Variants in CHIC2 observed in about 807,000 individuals in gnomAD.
The protein encoded by CHIC2 is cysteine-rich hydrophobic domain-containing protein 2.
A neutral mutation model predicts 25.9 loss-of-function variants in CHIC2; 14 were observed. The ratio of observed to expected loss-of-function variants is 0.54; its 90% CI spans 0.36 to 0.85. CHIC2 has a LOEUF of 0.85. Among genes scored for constraint, CHIC2 ranks in the 40% least tolerant of loss-of-function variants. CHIC2 has a pLI of 0.01. For missense variants in CHIC2, 146 were observed against 202.0 expected, an observed-to-expected ratio of 0.72 and a Z score of 1.68; for synonymous variants, 70 against 72.0, an observed-to-expected ratio of 0.97 and a Z score of 0.14.
intron 5 of CHIC2, 65 bp from the exon 6 acceptor site, chr4:54,010,210 A>AT: frequency 8.9e-7 from 1 of 1,118,860 alleles, no homozygotes; most frequent in Non-Finnish European, 1.3e-6. Context: ...AACTTCAATT[A>AT]TATGCTTTCA....
At chr4:54,076,505 T>G in the CHIC2 span, 1 of 152,138 alleles carries the variant, frequency 6.6e-6, no homozygotes, top group Non-Finnish European at 1.5e-5. Flanking sequence ...TGTTGAGTGG[T>G]TATTTTAAAA....
chr4:54,086,272 C>G, the CHIC2 span, among the ~76,000 whole-genome samples: 1 of 151,850 alleles, frequency 6.6e-6, no homozygotes, highest in Non-Finnish European at 1.5e-5. Context: ...GCTCTGCCCT[C>G]AAGCAGAGGG....
chr4:54,084,983 C>CAAAAAAAAAAAAAAAAAAAAAAAAAA, the CHIC2 span, among the ~76,000 whole-genome samples: 15 of 106,756 alleles, frequency 1.4e-4, no homozygotes, highest in African/African-American at 4.2e-4. Flanking sequence ...AAAAAAAAAT[C>CAAAAAAAAAAAAAAAAAAAAAAAAAA]AAACAGGTAG....
chr4:54,044,006 A>T (rs1178792462), intron 3 of CHIC2, among the ~76,000 whole-genome samples: 2 of 152,200 alleles, frequency 1.3e-5, no homozygotes, highest in East Asian at 3.8e-4. Flanking sequence ...TTGCAATCCT[A>T]GTCTCGGATA....
At chr4:54,065,592 C>G (rs372426677), upstream of CHIC2, among the ~76,000 whole-genome samples, 511 of 152,304 alleles carry the variant, frequency 3.4e-3, 1 homozygote, top group Middle Eastern at 6.8e-3. Context: ...TGCCTAGTAA[C>G]AGTTGAACGG....
chr4:54,039,652 T>C (rs1211001313), intron 3 of CHIC2, among the ~76,000 whole-genome samples: 1 of 152,200 alleles, frequency 6.6e-6, no homozygotes, highest in African/African-American at 2.4e-5. Flanking sequence ...GGAAAACAGT[T>C]TGGAGATTTT....
chr4:54,042,572 C>G (rs1415389410), intron 3 of CHIC2, among the ~76,000 whole-genome samples: 2 of 152,038 alleles, frequency 1.3e-5, no homozygotes, highest in Admixed American at 1.3e-4. Flanking sequence ...TATTAAAACT[C>G]TTAGGATTTT....
chr4:54,037,815 CAG>C (rs1716441718), intron 3 of CHIC2, among the ~76,000 whole-genome samples: 1 of 151,994 alleles, frequency 6.6e-6, no homozygotes, highest in Admixed American at 6.6e-5. Flanking sequence ...ATCCATGACT[CAG>C]AGAGAAAATC....
At chr4:54,036,988 A>G (rs1221087592) in intron 3 of CHIC2, among the ~76,000 whole-genome samples, 1 of 152,192 alleles carries the variant, frequency 6.6e-6, no homozygotes, top group African/African-American at 2.4e-5. Context: ...GCATATCCAT[A>G]TAATAAACAT....
rs1468804479 is a variant in CHIC2, at chr4:54,064,600, G to A, written c.-300C>T. On this transcript the variant is annotated 5_prime_UTR_variant, in exon 1 of 6. Coordinates refer to ENST00000263921, the MANE Select transcript of CHIC2 (RefSeq NM_012110.4). This position sits in a 1 kb window ranked among gnomAD's most constrained non-coding sequence, Gnocchi z 4.2. ...CGCCGCCGCAGCAGCAGCAACTCAG[G>A]AAACCACAGCAACAGCCCGAGCCAC... 1.6e-6 allele frequency: 2 copies of A among 1,224,354 alleles called. No individual in the cohort carries two copies. Among genetic ancestry groups the A allele is most frequent in the African/African-American group, 1.6e-5 (1 of 62,812 alleles). The allele number at this position is 1,224,354 out of a possible 1,614,324, so 75.8% of individuals were successfully genotyped here. A position where few individuals can be genotyped will look rare whatever the true frequency, so the allele number is the denominator to read the frequency against.
upstream of CHIC2, among the ~76,000 whole-genome samples, chr4:54,068,811 C>T (rs571117445): frequency 1.3e-5 from 2 of 152,264 alleles, no homozygotes; most frequent in East Asian, 1.9e-4. Flanking sequence ...GGGCTCAGTC[C>T]GCAAGACTGC....
At chr4:54,032,366 C>T (rs1009017965) in intron 3 of CHIC2, among the ~76,000 whole-genome samples, 2 of 150,352 alleles carry the variant, frequency 1.3e-5, no homozygotes, top group African/African-American at 4.9e-5. Context: ...AACCTCCCTG[C>T]CTGATTCTCC....
intron 3 of CHIC2, among the ~76,000 whole-genome samples, chr4:54,042,648 C>A (rs1351070051): frequency 6.6e-6 from 1 of 151,858 alleles, no homozygotes; most frequent in Non-Finnish European, 1.5e-5. Flanking sequence ...ATGGAAATGC[C>A]CACATAGCAG....
In CHIC2 at chr4:54,010,043, G is replaced by T; in HGVS notation, c.*52C>A. ...CACCACCAGGAGAGCACCAAGCAAG[G>T]CACCATTGGAAAGACAACATACTTG... On this transcript the variant is annotated 3_prime_UTR_variant, in exon 6 of 6. Transcript: ENST00000263921. 1 of 1,237,496 alleles carries T rather than the reference G, an allele frequency of 8.1e-7. No homozygotes were observed. The highest frequency in any genetic ancestry group is 1.2e-6 in the Non-Finnish European group (1 of 847,224). The allele number at this position is 1,237,496 out of a possible 1,614,324, so 76.7% of individuals were successfully genotyped here.
intron 1 of CHIC2, among the ~76,000 whole-genome samples, chr4:54,050,713 G>T (rs771032254): frequency 6.6e-5 from 10 of 151,982 alleles, no homozygotes; most frequent in Non-Finnish European, 1.3e-4. Flanking sequence ...TACTGTACAG[G>T]TTTGTAGCCT....
intron 3 of CHIC2, among the ~76,000 whole-genome samples, chr4:54,043,603 T>C (rs1307808453): frequency 1.3e-5 from 2 of 152,026 alleles, no homozygotes; most frequent in African/African-American, 2.4e-5. Flanking sequence ...AAGCAAATGC[T>C]GAGAGATTCT....
At chr4:54,047,699 A>G (rs1716877020) in intron 3 of CHIC2, among the ~76,000 whole-genome samples, 2 of 151,670 alleles carry the variant, frequency 1.3e-5, no homozygotes, top group African/African-American at 4.8e-5. Context: ...ACCTAATGTT[A>G]AATGACGAGT....
chr4:54,010,193 T>G (rs1330061625), intron 5 of CHIC2, 48 bp from the exon 6 acceptor site: 2 of 1,341,746 alleles, frequency 1.5e-6, no homozygotes, highest in Admixed American at 2.0e-5. Flanking sequence ...ACAAAATTTT[T>G]TCTTAAAACT....
At chr4:54,023,425 C>T (rs569463817) in intron 3 of CHIC2, among the ~76,000 whole-genome samples, 4 of 152,238 alleles carry the variant, frequency 2.6e-5, no homozygotes, top group South Asian at 2.1e-4. Context: ...TTCTGCTCCC[C>T]GGCTCCTTCA....
Sources: gnomAD v4.1 joint callset for allele counts (sites outside exome capture counted in the v4.1 genomes callset) on GRCh38, gnomAD v4.1.1 for gene constraint, Gnocchi (gnomAD v3.1) non-coding constraint, MANE v1.5 for transcripts, NCBI Gene and HGNC (gene_info 2026-07-23, HGNC 2026-07-21) for gene names.